The following ROBO2 variants were observed in gnomAD, a reference collection of about 807,000 sequenced individuals.
ROBO2 encodes roundabout guidance receptor 2, also known as roundabout homolog 2.
A neutral mutation model predicts 160.8 loss-of-function variants in ROBO2; 53 were observed. The ratio of observed to expected loss-of-function variants is 0.33; its 90% confidence interval spans 0.26 to 0.41. ROBO2 has a LOEUF of 0.41. Ranked by LOEUF, ROBO2 falls within the 10% of genes least tolerant of loss-of-function variation. The probability of loss-of-function intolerance (pLI) is 1.00; values close to 1 mark genes in which losing one functional copy is unlikely to be tolerated. For synonymous variants in ROBO2, 664 were observed against 611.7 expected, an observed-to-expected ratio of 1.09 and a Z score of -1.26; for missense variants, 1,577 against 1,722.4, an observed-to-expected ratio of 0.92 and a Z score of 1.49.
intron 2 of ROBO2, among the ~76,000 whole-genome samples, chr3:75,997,325 T>G (rs1410609908): frequency 6.6e-6 from 1 of 152,186 alleles, no homozygotes; most frequent in African/African-American, 2.4e-5. Flanking sequence ...ATTTCTTATT[T>G]GCTAGTTGAA....
chr3:77,465,468 G>C (rs1360481760), intron 2 of ROBO2, among the ~76,000 whole-genome samples: 1 of 152,096 alleles, frequency 6.6e-6, no homozygotes, highest in East Asian at 1.9e-4. Context: ...GGAGAAACAG[G>C]GTAGCCCAGG....
chr3:76,433,790 G>A (rs1408240742), intron 2 of ROBO2, among the ~76,000 whole-genome samples: 1 of 152,106 alleles, frequency 6.6e-6, no homozygotes, highest in Non-Finnish European at 1.5e-5. Flanking sequence ...CAGTTCCATC[G>A]ATTGAGTTGA....
intron 2 of ROBO2, among the ~76,000 whole-genome samples, chr3:75,947,546 A>G (rs560890394): frequency 1.5e-4 from 23 of 152,304 alleles, no homozygotes; most frequent in African/African-American, 5.0e-4. Flanking sequence ...CTCTTTGTCA[A>G]AAATGTTGCT....
At chr3:77,266,279 A>G (rs1212641567) in intron 2 of ROBO2, among the ~76,000 whole-genome samples, 1 of 151,596 alleles carries the variant, frequency 6.6e-6, no homozygotes, top group Non-Finnish European at 1.5e-5. Context: ...TAGCTTATAA[A>G]TTGCAATCTA....
intron 2 of ROBO2, among the ~76,000 whole-genome samples, chr3:76,962,130 T>C (rs553742226): frequency 6.6e-6 from 1 of 151,038 alleles, no homozygotes; most frequent in Non-Finnish European, 1.5e-5. Flanking sequence ...AGGTCAGGAG[T>C]TCAAGACCAG....
rs2078495958 is a variant in ROBO2, at chr3:77,428,951, C to G, written c.389-48463C>G. Among the ~76,000 whole-genome samples, 3 of 152,108 alleles carry G rather than the reference C, an allele frequency of 2.0e-5. No individual in the cohort carries two copies. The South Asian group carries it at 6.2e-4, about 31-fold the overall frequency. ...TTAAAAAGTTTATTGAAGAGAAAGT[C>G]AGAACCATACTATAGAATTTTGATT... On this transcript the variant is annotated intron_variant, in intron 2 of 25. Coordinates refer to ENST00000461745, the Ensembl canonical transcript of ROBO2.
intron 2 of ROBO2, among the ~76,000 whole-genome samples, chr3:76,272,266 C>T (rs557920079): frequency 6.6e-6 from 1 of 152,136 alleles, no homozygotes; most frequent in East Asian, 1.9e-4. Flanking sequence ...AGGGCCATCT[C>T]TTTACGAAAT....
intron 2 of ROBO2, among the ~76,000 whole-genome samples, chr3:76,971,356 T>G (rs2059563720): frequency 6.6e-6 from 1 of 152,128 alleles, no homozygotes; most frequent in Non-Finnish European, 1.5e-5. Flanking sequence ...AACATTTCCA[T>G]TTTTTTCTAA....
rs542431572 is a variant in ROBO2, at chr3:76,719,322, G to C, written c.110-378692G>C. Among the ~76,000 whole-genome samples the C allele has an allele frequency of 1.4e-4, 22 of 152,164 alleles. No individual in the cohort carries two copies. The South Asian group carries it at 3.9e-3, about 27-fold the overall frequency. The stretch of plus-strand genomic sequence containing the variant: ...TAGACATCATAACAATATTCATGTT[G>C]CCACACACAAATGACAATTTTAAAG... On this transcript the variant is annotated intron_variant, in intron 2 of 26. Coordinates refer to the ROBO2 transcript ENST00000487694.
intron 1 of ROBO2, among the ~76,000 whole-genome samples, chr3:77,061,770 T>C (rs771054974): frequency 3.2e-4 from 48 of 152,178 alleles, no homozygotes; most frequent in Admixed American, 6.5e-4. Flanking sequence ...AACATGTCTT[T>C]AACAGGATTA....
At chr3:76,789,680 G>A (rs1479871848) in intron 2 of ROBO2, among the ~76,000 whole-genome samples, 1 of 151,646 alleles carries the variant, frequency 6.6e-6, no homozygotes, top group African/African-American at 2.4e-5. Flanking sequence ...TCAAATCAAT[G>A]TAGAGTTTAT....
intron 2 of ROBO2, among the ~76,000 whole-genome samples, chr3:76,335,337 C>T (rs914676603): frequency 4.0e-5 from 6 of 151,202 alleles, no homozygotes; most frequent in South Asian, 4.2e-4. Context: ...TGTGCCACCA[C>T]GCCTGGTTAA....
chr3:75,929,135 A>G lies in ROBO2; in HGVS notation c.-13-8346A>G, dbSNP rs146408553. On this transcript the variant is annotated intron_variant, in intron 1 of 26. Transcript: ENST00000487694. ...TTATAGAATGATCTATGTACTTTCA[A>G]TGTACCTTCAAACATGAGATCTGCA... is the stretch of plus-strand genomic sequence containing the variant. 7.5e-3 allele frequency among the ~76,000 whole-genome samples: 1,061 copies of G among 141,984 alleles called. 163 individuals carry two copies. The East Asian group carries it at 0.24, about 32-fold the overall frequency. The allele number at this position is 141,984 out of a possible 152,430, so 93.1% of individuals were successfully genotyped here.
chr3:77,460,662 C>T lies in ROBO2; in HGVS notation c.389-16752C>T, dbSNP rs530034448. Among the ~76,000 whole-genome samples the T allele has an allele frequency of 1.1e-4, 16 of 152,156 alleles. No individual in the cohort carries two copies. The East Asian group carries it at 3.1e-3, about 29-fold the overall frequency. On this transcript the variant is annotated intron_variant, in intron 2 of 25. Coordinates refer to ENST00000461745, the Ensembl canonical transcript of ROBO2. ...AAATTAGATGCATTTTAATGCAATG[C>T]TTTCGTGGTAATGATTTCATTATGT...
chr3:76,461,355 G>T (rs1443988283), intron 2 of ROBO2, among the ~76,000 whole-genome samples: 1 of 152,052 alleles, frequency 6.6e-6, no homozygotes, highest in Non-Finnish European at 1.5e-5. Flanking sequence ...CCAGCACTGG[G>T]GTTACAATTC....
intron 2 of ROBO2, among the ~76,000 whole-genome samples, chr3:76,407,696 T>C (rs758146379): frequency 2.6e-5 from 4 of 152,150 alleles, no homozygotes; most frequent in Admixed American, 6.6e-5. Context: ...TCTGGAATTA[T>C]GTTTAATTAT....
chr3:76,609,459 G>A (rs1218277499), intron 2 of ROBO2, among the ~76,000 whole-genome samples: 1 of 150,690 alleles, frequency 6.6e-6, no homozygotes, highest in Admixed American at 6.6e-5. Flanking sequence ...TAATCCATAG[G>A]TATTTAATTT....
At chr3:76,521,624 T>C (rs2081623231) in intron 2 of ROBO2, among the ~76,000 whole-genome samples, 1 of 152,192 alleles carries the variant, frequency 6.6e-6, no homozygotes, top group Non-Finnish European at 1.5e-5. Context: ...CCTATATTGT[T>C]CTGTTAAATA....
intron 1 of ROBO2, among the ~76,000 whole-genome samples, chr3:77,053,556 G>C (rs1004424123): frequency 2.6e-5 from 4 of 152,086 alleles, no homozygotes; most frequent in Non-Finnish European, 5.9e-5. Context: ...GATTTGGTGG[G>C]TGATGTCTCA....
Sources: gnomAD v4.1 joint callset for allele counts (sites outside exome capture counted in the v4.1 genomes callset) on GRCh38, gnomAD v4.1.1 for gene constraint, MANE v1.5 for transcripts, NCBI Gene and HGNC (gene_info 2026-07-23, HGNC 2026-07-21) for gene names.